Variants in AK8 observed in about 807,000 individuals in gnomAD.
The protein encoded by AK8 is adenylate kinase 8.
A neutral mutation model predicts 54.6 loss-of-function variants in AK8; 44 were observed. That is an observed-to-expected ratio of 0.81 (90% CI 0.63 to 1.04). The LOEUF (loss-of-function observed/expected upper bound fraction) is 1.04, where lower values mean the gene tolerates loss of function less well. Among genes scored for constraint, AK8 ranks in the 50% least tolerant of loss-of-function variants. AK8 has a pLI of 0.00. For synonymous variants in AK8, 239 were observed against 245.6 expected (o/e 0.97, Z 0.25); for missense variants, 555 against 613.6 (o/e 0.90, Z 1.01).
Position 132,781,132 on chromosome 9 carries a change from T to A in AK8, c.1121+11502A>T, listed in dbSNP as rs1293379960. ...GCCAGGCAGAGGGCAGGTTTCTGGA[T>A]GCAGCCATGAACATAGTTCTTTCTT... On this transcript the variant is annotated intron_variant, in intron 11 of 12. Transcript: ENST00000298545. The surrounding 1 kb of genome is among the most constrained non-coding windows in gnomAD (Gnocchi z 4.6). Among the ~76,000 whole-genome samples the A allele has an allele frequency of 6.6e-6, 1 of 152,192 alleles. No homozygotes were observed. Among genetic ancestry groups the A allele is most frequent in the Non-Finnish European group, 1.5e-5 (1 of 68,010 alleles).
rs932328774 is a variant in AK8, at chr9:132,799,940, T to C, written c.980-7165A>G. ...TCCCGCCCCTCCTGAAGGATCCCAA[T>C]AGGACCCAGGAGGTCCAGGGAATCT... On this transcript the variant is annotated intron_variant, in intron 10 of 12. Transcript: ENST00000298545. The surrounding 1 kb of genome is among the most constrained non-coding windows in gnomAD (Gnocchi z 5.0). 6.6e-6 allele frequency among the ~76,000 whole-genome samples: 1 copy of C among 152,156 alleles called. No homozygotes were observed. The highest frequency in any genetic ancestry group is 1.5e-5 in the Non-Finnish European group (1 of 68,012).
intron 10 of AK8, among the ~76,000 whole-genome samples, chr9:132,813,187 G>A (rs919401726): frequency 2.0e-5 from 3 of 150,846 alleles, no homozygotes; most frequent in Non-Finnish European, 4.4e-5. Flanking sequence ...GGCCACCGCA[G>A]ACACCCAGGA....
intron 5 of AK8, among the ~76,000 whole-genome samples, chr9:132,853,909 G>GT (rs1042635220): frequency 2.0e-5 from 3 of 151,200 alleles, no homozygotes; most frequent in African/African-American, 7.3e-5. Flanking sequence ...AGAAAAAACT[G>GT]TAAGTGAAAC....
At chr9:132,842,692 T>A (rs2131349219) in intron 5 of AK8, among the ~76,000 whole-genome samples, 1 of 152,374 alleles carries the variant, frequency 6.6e-6, no homozygotes, top group South Asian at 2.1e-4. Flanking sequence ...ACAGCTCAGC[T>A]GGGTCCTCTG....
intron 10 of AK8, among the ~76,000 whole-genome samples, chr9:132,802,651 G>C (rs1231806543): frequency 6.6e-6 from 1 of 152,188 alleles, no homozygotes; most frequent in Non-Finnish European, 1.5e-5. Flanking sequence ...ATCCGTCTTG[G>C]ACACACTATC....
At chr9:132,869,209 TTATC>T (rs374310671) in intron 2 of AK8, among the ~76,000 whole-genome samples, 1 of 152,254 alleles carries the variant, frequency 6.6e-6, no homozygotes, top group Non-Finnish European at 1.5e-5. Flanking sequence ...CTATGTCTAT[TTATC>T]TATCTATCTA....
chr9:132,805,849 C>T (rs1006621534), intron 10 of AK8, among the ~76,000 whole-genome samples: 4 of 151,848 alleles, frequency 2.6e-5, no homozygotes, highest in African/African-American at 4.8e-5. Flanking sequence ...TGTAGCAGTC[C>T]CAGCGGAAAA....
chr9:132,773,712 A>C (rs540661906), intron 11 of AK8, among the ~76,000 whole-genome samples: 36 of 152,320 alleles, frequency 2.4e-4, no homozygotes, highest in African/African-American at 8.4e-4. Flanking sequence ...ATTCCAACCC[A>C]GTTGCTGACT....
intron 2 of AK8, among the ~76,000 whole-genome samples, chr9:132,874,688 C>T (rs776008308): frequency 1.3e-5 from 2 of 152,180 alleles, no homozygotes; most frequent in African/African-American, 2.4e-5. Context: ...ATGAGACCGT[C>T]GGAAAAGCCC....
At chr9:132,859,805 G>A (rs763564909) in intron 4 of AK8, among the ~76,000 whole-genome samples, 16 of 152,138 alleles carry the variant, frequency 1.1e-4, no homozygotes, top group Non-Finnish European at 2.1e-4. Flanking sequence ...CTTAATAAAT[G>A]GGAAGAACGG....
rs74886612 is a variant in AK8, at chr9:132,856,799, G to A, written c.334-1874C>T. ...ACGGGTGTGGAACGGAATGAAACCA[G>A]CACAAAGGGAAAGAGAGAAACCAGA... is the stretch of plus-strand genomic sequence containing the variant. On this transcript the variant is annotated intron_variant, in intron 4 of 12. Coordinates refer to ENST00000298545, the MANE Select transcript of AK8 (RefSeq NM_152572.3). Among the ~76,000 whole-genome samples the A allele has an allele frequency of 6.2e-3, 950 of 152,268 alleles. 4 individuals carry two copies. Among genetic ancestry groups the A allele is most frequent in the Non-Finnish European group, 9.1e-3 (617 of 68,024 alleles).
rs182576081 is a variant in AK8 at position 132,836,039 on chromosome 9, C to T, written c.403-7313G>A. 2.6e-5 allele frequency among the ~76,000 whole-genome samples: 4 copies of T among 152,308 alleles called. No individual in the cohort carries two copies. The East Asian group carries it at 5.8e-4, about 22-fold the overall frequency. On this transcript the variant is annotated intron_variant, in intron 5 of 12. Coordinates refer to ENST00000298545, the MANE Select transcript of AK8 (RefSeq NM_152572.3). ...TCAGGAGGCTGAGGCAGGAGAATCG[C>T]TTGCACCTGGAAGGTGGAGGTTGCG...
intron 10 of AK8, among the ~76,000 whole-genome samples, chr9:132,813,416 G>A (rs2131255357): frequency 6.6e-6 from 1 of 152,320 alleles, no homozygotes; most frequent in South Asian, 2.1e-4. Flanking sequence ...TCTAGAAAGT[G>A]GTAGGAGAAG....
At position 132,739,441 on chromosome 9, in the gene AK8, C is replaced by CAA. The variant is rs768297504; in HGVS notation, c.1122-11909_1122-11908dup. On this transcript the variant is annotated intron_variant, in intron 11 of 12. Coordinates refer to ENST00000298545, the MANE Select transcript of AK8 (RefSeq NM_152572.3). ...TGGGCAACAGAGAGTGACTCTGTCT[C>CAA]AAAAAAAAAAAAAAAAAAAAAAAAA... 3.2e-3 allele frequency among the ~76,000 whole-genome samples: 99 copies of CAA among 31,168 alleles called. 14 individuals are homozygous for CAA. The highest frequency in any genetic ancestry group is 7.5e-3 in the African/African-American group (52 of 6,914). The allele number at this position is 31,168 out of a possible 152,430, so 20.4% of individuals were successfully genotyped here.
chr9:132,795,673 C>A (rs780834474), intron 10 of AK8, among the ~76,000 whole-genome samples: 3 of 152,114 alleles, frequency 2.0e-5, no homozygotes, highest in Non-Finnish European at 4.4e-5. Flanking sequence ...GGGATACGGT[C>A]TACGCAGCAA....
intron 11 of AK8, among the ~76,000 whole-genome samples, chr9:132,773,997 G>T (rs1839095448): frequency 6.6e-6 from 1 of 152,150 alleles, no homozygotes; most frequent in Non-Finnish European, 1.5e-5. Context: ...TGGTAGATAG[G>T]AAAGAGAGGA....
chr9:132,802,336 T>A (rs1362979787), intron 10 of AK8, among the ~76,000 whole-genome samples: 1 of 152,040 alleles, frequency 6.6e-6, no homozygotes, highest in Non-Finnish European at 1.5e-5. Flanking sequence ...AGGGGGGCGG[T>A]GTCTCAATCC....
intron 11 of AK8, among the ~76,000 whole-genome samples, chr9:132,743,968 C>T (rs1837517430): frequency 2.0e-5 from 3 of 152,206 alleles, no homozygotes; most frequent in African/African-American, 4.8e-5. Context: ...CGGAGCCTTC[C>T]TGAAATCTCC....
At chr9:132,842,308 T>C (rs962384092) in intron 5 of AK8, among the ~76,000 whole-genome samples, 4 of 152,122 alleles carry the variant, frequency 2.6e-5, no homozygotes, top group African/African-American at 9.7e-5. Flanking sequence ...TGGCATTGAT[T>C]GATTCATTAT....
Sources: allele counts gnomAD v4.1 joint callset (sites outside exome capture counted in the v4.1 genomes callset), GRCh38; gene constraint gnomAD v4.1.1; non-coding constraint Gnocchi (gnomAD v3.1); transcripts MANE v1.5; gene names NCBI Gene and HGNC (gene_info 2026-07-23, HGNC 2026-07-21).